The following AGPAT5 variants were observed in gnomAD, a reference collection of about 807,000 sequenced individuals.
AGPAT5 encodes 1-acyl-sn-glycerol-3-phosphate acyltransferase epsilon.
In AGPAT5, 46 loss-of-function variants were observed where a neutral mutation model predicts 45.6. The ratio of observed to expected loss-of-function variants is 1.01; its 90% CI spans 0.80 to 1.29. The LOEUF is 1.29. Among genes scored for constraint, AGPAT5 ranks in the 50% most tolerant of loss-of-function variants. The pLI is 0.00. For synonymous variants in AGPAT5, 272 were observed against 167.0 expected, an observed-to-expected ratio of 1.63 and a Z score of -4.85; for missense variants, 673 against 450.7, an observed-to-expected ratio of 1.49 and a Z score of -4.47.
At chr8:6,736,894 G>A (rs920918502) in intron 4 of AGPAT5, among the ~76,000 whole-genome samples, 2 of 152,212 alleles carry the variant, frequency 1.3e-5, no homozygotes, top group African/African-American at 4.8e-5. Flanking sequence ...TTTGGTTTCT[G>A]TGCCCTTCAT....
chr8:6,720,432 A>G (rs1563285141), intron 1 of AGPAT5, among the ~76,000 whole-genome samples: 1 of 152,206 alleles, frequency 6.6e-6, no homozygotes, highest in Non-Finnish European at 1.5e-5. Flanking sequence ...AAGGGGCGTT[A>G]CCACACACTT....
intron 6 of AGPAT5, among the ~76,000 whole-genome samples, chr8:6,754,233 T>G (rs1801751154): frequency 6.6e-6 from 1 of 152,230 alleles, no homozygotes; most frequent in Non-Finnish European, 1.5e-5. Context: ...CCTCATACCT[T>G]GTGCAATCGA....
intron 1 of AGPAT5, 85 bp downstream of exon 1, chr8:6,708,972 G>A (rs1800039284): frequency 7.3e-7 from 1 of 1,374,988 alleles, no homozygotes; most frequent in Non-Finnish European, 1.0e-6. Flanking sequence ...AGCTGGCGAG[G>A]GTCACCCGGC....
chr8:6,729,643 T>C (rs1367067527), intron 2 of AGPAT5, among the ~76,000 whole-genome samples: 4 of 152,214 alleles, frequency 2.6e-5, no homozygotes, highest in African/African-American at 9.6e-5. Flanking sequence ...CTTTAAACCA[T>C]GTCCTCTGTT....
intron 1 of AGPAT5, chr8:6,709,132 C>G (rs1278852869): frequency 1.2e-5 from 7 of 577,474 alleles, no homozygotes; most frequent in Non-Finnish European, 2.2e-5. Flanking sequence ...CTTTCCCCGC[C>G]CCTCGCCTGG....
chr8:6,756,491 A>C (rs547242625), intron 7 of AGPAT5, among the ~76,000 whole-genome samples: 1 of 151,920 alleles, frequency 6.6e-6, no homozygotes, highest in South Asian at 2.1e-4. Context: ...CCAGGCGTGC[A>C]CCTGTAGTCC....
At chr8:6,718,273 A>G (rs562330774) in intron 1 of AGPAT5, among the ~76,000 whole-genome samples, 2 of 152,346 alleles carry the variant, frequency 1.3e-5, no homozygotes, top group African/African-American at 4.8e-5. Context: ...GTTCCACAGC[A>G]TGACGTGGTT....
At chr8:6,736,897 C>T (rs1801070436) in intron 4 of AGPAT5, among the ~76,000 whole-genome samples, 1 of 152,228 alleles carries the variant, frequency 6.6e-6, no homozygotes, top group African/African-American at 2.4e-5. Context: ...GGTTTCTGTG[C>T]CCTTCATCTT....
intron 3 of AGPAT5, 21 bp downstream of exon 3, chr8:6,730,847 T>C (rs892148492): frequency 1.9e-6 from 3 of 1,545,726 alleles, no homozygotes; most frequent in East Asian, 2.3e-5. Flanking sequence ...TCCATGCTTT[T>C]CTCTCTATAT....
At chr8:6,737,446 T>A (rs552095499) in intron 4 of AGPAT5, among the ~76,000 whole-genome samples, 2 of 152,328 alleles carry the variant, frequency 1.3e-5, no homozygotes, top group African/African-American at 4.8e-5. Context: ...AATGCAGAAT[T>A]TTGTTTCAAA....
rs1302797708 is a variant in AGPAT5, at chr8:6,760,267, C to G, written c.*2879C>G. Among the ~76,000 whole-genome samples the G allele has an allele frequency of 6.6e-6, 1 of 152,110 alleles. No homozygotes were observed. The highest frequency in any genetic ancestry group is 6.6e-5 in the Admixed American group (1 of 15,262). ...AATTAGCCAGGCATGGTGGCGTACA[C>G]TGAGTAGTTTGTCCCAGCTACTCGG... On this transcript the variant is annotated 3_prime_UTR_variant, in exon 8 of 8. Coordinates refer to ENST00000285518, the MANE Select transcript of AGPAT5 (RefSeq NM_018361.5).
At chr8:6,721,713 G>A (rs1288643776) in intron 1 of AGPAT5, among the ~76,000 whole-genome samples, 1 of 152,164 alleles carries the variant, frequency 6.6e-6, no homozygotes, top group African/African-American at 2.4e-5. Context: ...ACAGTATAAG[G>A]GAGAGCAGAC....
chr8:6,729,568 A>C (rs1412198437), intron 2 of AGPAT5, among the ~76,000 whole-genome samples: 3 of 152,104 alleles, frequency 2.0e-5, no homozygotes, highest in Non-Finnish European at 4.4e-5. Context: ...ATTTACTTTC[A>C]AATCCAAGTT....
At position 6,758,732 on chromosome 8, in the gene AGPAT5, T is replaced by C. The variant is rs187686425; in HGVS notation, c.*1344T>C. The C allele has an allele frequency of 2.0e-5, 3 of 152,804 alleles. No homozygotes were observed. In the East Asian group the frequency reaches 5.8e-4, roughly 29 times the overall value. 9.5% of individuals were successfully genotyped at this position (152,804 alleles called of 1,614,324 possible). A position where few individuals can be genotyped will look rare whatever the true frequency, so the allele number is the denominator to read the frequency against. On this transcript the variant is annotated 3_prime_UTR_variant, in exon 8 of 8. Transcript: ENST00000285518. Reference sequence around the variant, plus strand: ...GGAACCAGATCACGATTTTTAGCCATGGAACAATATATCCCATGGGAGAAG... The same window carrying C: ...GGAACCAGATCACGATTTTTAGCCACGGAACAATATATCCCATGGGAGAAG...
chr8:6,733,600 C>G (rs1800942991), intron 4 of AGPAT5, among the ~76,000 whole-genome samples: 1 of 152,136 alleles, frequency 6.6e-6, no homozygotes, highest in South Asian at 2.1e-4. Context: ...TTGGTGTCTT[C>G]AAAGGGTCTG....
intron 2 of AGPAT5, among the ~76,000 whole-genome samples, chr8:6,726,945 C>G (rs1430114727): frequency 6.6e-6 from 1 of 152,122 alleles, no homozygotes; most frequent in East Asian, 1.9e-4. Context: ...ATGACAGAGC[C>G]TTTTCCTAGA....
At chr8:6,756,521 G>A (rs939226139) in intron 7 of AGPAT5, among the ~76,000 whole-genome samples, 11 of 151,452 alleles carry the variant, frequency 7.3e-5, no homozygotes, top group African/African-American at 2.7e-4. Flanking sequence ...AGGAGGCCGA[G>A]GTGCGAGGAT....
In AGPAT5 at chr8:6,708,683, G is replaced by T. The variant is rs756594404; in HGVS notation, c.15G>T (p.Leu5=). MLLS[L]VLHTYSMRYL... ...GAGCTGAGAAGATGCTGCTGTCCCT[G>T]GTGCTCCACACGTACTCCATGCGCT... The change falls in exon 1 of 8, where the codon CTG becomes CTT. Residue 5 remains leucine (L), a synonymous_variant. Coordinates refer to ENST00000285518, the MANE Select transcript of AGPAT5 (RefSeq NM_018361.5). 3 of 1,599,378 alleles carry T rather than the reference G, an allele frequency of 1.9e-6. No individual in the cohort carries two copies. The highest frequency in any genetic ancestry group is 3.4e-5 in the Admixed American group (2 of 59,576).
chr8:6,747,355 C>G (rs753848036), intron 5 of AGPAT5, among the ~76,000 whole-genome samples: 3 of 152,156 alleles, frequency 2.0e-5, no homozygotes, highest in Non-Finnish European at 4.4e-5. Context: ...TGTTCAGTGG[C>G]CAGAAGCGAG....
Sources: allele counts gnomAD v4.1 joint callset (sites outside exome capture counted in the v4.1 genomes callset), GRCh38; gene constraint gnomAD v4.1.1; transcripts MANE v1.5; gene names NCBI Gene and HGNC (gene_info 2026-07-23, HGNC 2026-07-21).